The following RPL19 variants were observed in gnomAD, a reference collection of about 807,000 sequenced individuals.
RPL19 encodes ribosomal protein L19.
A neutral mutation model predicts 25.1 loss-of-function variants in RPL19; 2 were observed. That is an observed-to-expected ratio of 0.08 (90% CI 0.03 to 0.25). The LOEUF (loss-of-function observed/expected upper bound fraction) is 0.25. RPL19 is among the 10% of genes least tolerant of loss of function. The pLI, the probability that RPL19 is intolerant of heterozygous loss-of-function variation, is 1.00. For missense variants in RPL19, 123 were observed against 271.8 expected, an observed-to-expected ratio of 0.45 and a Z score of 3.85; for synonymous variants, 89 against 91.2, an observed-to-expected ratio of 0.98 and a Z score of 0.14.
In RPL19 at chr17:39,200,314, G is replaced by T; in HGVS notation, c.-31G>T. 2 of 1,545,712 alleles carry T rather than the reference G, an allele frequency of 1.3e-6. No individual in the cohort carries two copies. Among genetic ancestry groups the T allele is most frequent in the Non-Finnish European group, 1.7e-6 (2 of 1,147,086 alleles). ...AATGGGAGGAGCCGGGCCCGAGCGA[G>T]CTCTTTCCTTTCGCTGCTGCGGCCG... On this transcript the variant is annotated 5_prime_UTR_variant, in exon 1 of 6. Transcript: ENST00000225430.
At chr17:39,203,153 T>A (rs201577130) in intron 4 of RPL19, 44 bp downstream of exon 4, 1 of 1,481,248 alleles carries the variant, frequency 6.8e-7, no homozygotes, top group Non-Finnish European at 9.3e-7. Context: ...GCTGCTTTGA[T>A]GGCTAGTTCA....
At chr17:39,200,679 T>C (rs2046280349) in intron 1 of RPL19, 1 of 1,116,490 alleles carries the variant, frequency 9.0e-7, no homozygotes, top group South Asian at 3.5e-5. Flanking sequence ...GCGGAGCCGA[T>C]CTCTGCTTTC....
chr17:39,204,007 G>C, intron 4 of RPL19, 70 bp from the exon 5 acceptor site: 1 of 824,652 alleles, frequency 1.2e-6, no homozygotes. Context: ...ACCTTGGGTG[G>C]AGGAACAGCT....
intron 1 of RPL19, 97 bp downstream of exon 1, chr17:39,200,446 G>A (rs1256156433): frequency 2.3e-6 from 3 of 1,298,848 alleles, no homozygotes; most frequent in East Asian, 3.4e-5. Flanking sequence ...TGAAATGGAG[G>A]CCGCCCTAAA....
chr17:39,203,936 A>G (rs1346102221), intron 4 of RPL19, 141 bp from the exon 5 acceptor site: 1 of 596,122 alleles, frequency 1.7e-6, no homozygotes, highest in East Asian at 2.8e-5. Flanking sequence ...CAAAAAAGTC[A>G]TGGTTTAGGA....
rs1373616763 is a variant in RPL19, at chr17:39,201,101, GAGTCTT to G, written c.6-110_6-105del. ...AGAGCCTTAAAGATGATTTAGGGAAGAGTCTTATTTCGCGGCTGTGGTGTGGGTCAC... is the reference window on the plus strand; with the variant it reads ...AGAGCCTTAAAGATGATTTAGGGAAGATTTCGCGGCTGTGGTGTGGGTCAC... On this transcript the variant is annotated intron_variant, in intron 1 of 5. Transcript: ENST00000225430. 4 of 737,310 alleles carry G rather than the reference GAGTCTT, an allele frequency of 5.4e-6. No homozygotes were observed. In the East Asian group the frequency reaches 1.0e-4, roughly 18 times the overall value. The allele number at this position is 737,310 out of a possible 1,614,324, so 45.7% of individuals were successfully genotyped here. A position where few individuals can be genotyped will look rare whatever the true frequency, so the allele number is the denominator to read the frequency against.
intron 4 of RPL19, among the ~76,000 whole-genome samples, chr17:39,203,826 A>T (rs1264555899): frequency 1.3e-5 from 2 of 152,188 alleles, no homozygotes; most frequent in South Asian, 4.1e-4. Flanking sequence ...GAGCCTTTCT[A>T]AGAAAGTTTT....
chr17:39,200,894 G>T (rs1250774970), intron 1 of RPL19, among the ~76,000 whole-genome samples: 2 of 152,138 alleles, frequency 1.3e-5, no homozygotes, highest in African/African-American at 2.4e-5. Flanking sequence ...CTAGAAATCA[G>T]GTCTACTCAC....
intron 2 of RPL19, among the ~76,000 whole-genome samples, chr17:39,201,595 CAG>C (rs915699224): frequency 6.6e-6 from 1 of 151,504 alleles, no homozygotes; most frequent in African/African-American, 2.4e-5. Flanking sequence ...TTTTTTGGGA[CAG>C]AGTCTCACTT....
In RPL19 at chr17:39,204,083, C is replaced by T. The variant is rs1438106677; in HGVS notation, c.363C>T (p.His121=). The T allele has an allele frequency of 1.3e-6, 2 of 1,591,630 alleles. No homozygotes were observed. The highest frequency in any genetic ancestry group is 1.3e-5 in the African/African-American group (1 of 74,498). Residue 121 remains histidine, a synonymous_variant, in exon 5 of 6, where the codon CAC becomes CAT. Transcript: ENST00000225430. ...ESKKIDRHMY[H]SLYLKVKGNV... ...CACTCCGTGTACCCTGCAGGTATCACAGCCTGTACCTGAAGGTGAAGGGGA... is the reference window on the plus strand; with the variant it reads ...CACTCCGTGTACCCTGCAGGTATCATAGCCTGTACCTGAAGGTGAAGGGGA...
In RPL19 at chr17:39,200,317, C is replaced by G. The variant is rs768487721; in HGVS notation, c.-28C>G. On this transcript the variant is annotated 5_prime_UTR_variant, in exon 1 of 6. Coordinates refer to ENST00000225430, the MANE Select transcript of RPL19 (RefSeq NM_000981.4). The stretch of plus-strand genomic sequence containing the variant: ...GGGAGGAGCCGGGCCCGAGCGAGCT[C>G]TTTCCTTTCGCTGCTGCGGCCGCAG... 4 of 1,548,752 alleles carry G rather than the reference C, an allele frequency of 2.6e-6. No homozygotes were observed. Among genetic ancestry groups the G allele is most frequent in the African/African-American group, 1.4e-5 (1 of 73,044 alleles).
intron 1 of RPL19, 69 bp downstream of exon 1, chr17:39,200,418 A>C: frequency 7.3e-7 from 1 of 1,368,676 alleles, no homozygotes; most frequent in East Asian, 3.3e-5. Context: ...TTGGGACCGC[A>C]GCTGGGGTTG....
chr17:39,201,074 C>A (rs1296048344), intron 1 of RPL19, 139 bp from the exon 2 acceptor site: 22 of 676,916 alleles, frequency 3.3e-5, no homozygotes, highest in Non-Finnish European at 5.2e-6. Context: ...GCTGCATAGC[C>A]CAGAGCCTTA....
intron 2 of RPL19, among the ~76,000 whole-genome samples, chr17:39,201,822 T>C (rs1035004563): frequency 6.6e-6 from 1 of 152,164 alleles, no homozygotes; most frequent in African/African-American, 2.4e-5. Flanking sequence ...TCCATCCACC[T>C]CAGCCTCCCA....
At chr17:39,203,180 T>A in intron 4 of RPL19, 71 bp downstream of exon 4, 1 of 1,438,910 alleles carries the variant, frequency 6.9e-7, no homozygotes, top group Non-Finnish European at 9.4e-7. Context: ...AGAGATTTTT[T>A]TTTTTTTTTT....
At chr17:39,200,699 A>G in intron 1 of RPL19, 1 of 1,095,322 alleles carries the variant, frequency 9.1e-7, no homozygotes, top group Non-Finnish European at 1.1e-6. Context: ...CACGTGATGT[A>G]GGGCAAGCCT....
At chr17:39,202,666 G>GATC in intron 3 of RPL19, 2 of 613,296 alleles carry the variant, frequency 3.3e-6, no homozygotes, top group South Asian at 4.0e-5. Flanking sequence ...CTATGCCAAG[G>GATC]ATTCTGTACT....
rs781087581 is a variant in RPL19, at chr17:39,201,242, C to T, written c.35C>T (p.Ser12Phe). ...SMLRLQKRLA[S>F]SVLRCGKKKV... ...CTCAGGCTTCAGAAGAGGCTCGCCT[C>T]TAGTGTCCTCCGCTGTGGCAAGAAG... Residue 12 changes from serine (S) to phenylalanine (F), a missense_variant, in exon 2 of 6, where the codon TCT becomes TTT. Ser to Phe is a radical substitution (Grantham distance 155). Coordinates refer to ENST00000225430, the MANE Select transcript of RPL19 (RefSeq NM_000981.4). 1.9e-6 allele frequency: 3 copies of T among 1,613,192 alleles called. No homozygotes were observed. The highest frequency in any genetic ancestry group is 3.3e-5 in the Admixed American group (2 of 59,882).
intron 2 of RPL19, among the ~76,000 whole-genome samples, 178 bp downstream of exon 2, chr17:39,201,497 A>AT (rs2046289216): frequency 6.7e-6 from 1 of 150,110 alleles, no homozygotes; most frequent in Non-Finnish European, 1.5e-5. Context: ...GGCTCAAGTG[A>AT]TTCTCCCACC....
Sources: gnomAD v4.1 joint callset for allele counts (sites outside exome capture counted in the v4.1 genomes callset) on GRCh38, gnomAD v4.1.1 for gene constraint, MANE v1.5 for transcripts, NCBI Gene and HGNC (gene_info 2026-07-23, HGNC 2026-07-21) for gene names.